Variants in GALNT17 observed in about 807,000 individuals in gnomAD.
GALNT17 encodes the protein UDP-GalNAc:polypeptide N-acetylgalactosaminyltransferase-like 3.
A neutral mutation model predicts 63.7 loss-of-function variants in GALNT17; 29 were observed. The ratio of observed to expected loss-of-function variants is 0.46; its 90% confidence interval spans 0.34 to 0.62. The LOEUF (loss-of-function observed/expected upper bound fraction) is 0.62. Ranked by LOEUF, GALNT17 falls within the 20% of genes least tolerant of loss-of-function variation. The pLI, the probability that GALNT17 is intolerant of heterozygous loss-of-function variation, is 0.01. For synonymous variants in GALNT17, 305 were observed against 318.3 expected, an observed-to-expected ratio of 0.96 and a Z score of 0.45; for missense variants, 603 against 799.6, an observed-to-expected ratio of 0.75 and a Z score of 2.97.
rs368543011 is a variant in GALNT17 at position 71,207,029 on chromosome 7, C to A, written c.238+73989C>A. 3.5e-3 allele frequency among the ~76,000 whole-genome samples: 527 copies of A among 152,124 alleles called. 3 individuals are homozygous for A. The highest frequency in any genetic ancestry group is 0.012 in the African/African-American group (492 of 41,512). On this transcript the variant is annotated intron_variant, in intron 1 of 10. Transcript: ENST00000333538. ...GCTGAGGCAGGAGAATGGTGTGAAC[C>A]CGGGAGGTGGAGCTTGCAGTGAGCC... is the stretch of plus-strand genomic sequence containing the variant.
At chr7:71,295,924 T>A (rs1243096479) in intron 1 of GALNT17, among the ~76,000 whole-genome samples, 1 of 152,058 alleles carries the variant, frequency 6.6e-6, no homozygotes, top group Admixed American at 6.5e-5. Context: ...TGGGTTTTTT[T>A]TTTTTTTCCC....
intron 1 of GALNT17, among the ~76,000 whole-genome samples, chr7:71,328,371 T>C (rs1192262872): frequency 6.6e-6 from 1 of 152,202 alleles, no homozygotes; most frequent in Non-Finnish European, 1.5e-5. Context: ...CTGCTTTCTC[T>C]CTTTGCTGCT....
At chr7:71,320,162 C>A (rs1175818433) in intron 1 of GALNT17, among the ~76,000 whole-genome samples, 1 of 152,182 alleles carries the variant, frequency 6.6e-6, no homozygotes, top group African/African-American at 2.4e-5. Context: ...CACATGCATA[C>A]TCTTCCCCTG....
intron 2 of GALNT17, among the ~76,000 whole-genome samples, chr7:71,371,193 A>C (rs1792617098): frequency 1.3e-5 from 2 of 152,174 alleles, no homozygotes; most frequent in Non-Finnish European, 2.9e-5. Flanking sequence ...TCAGGCTTTT[A>C]GTCAAGCTTT....
intron 2 of GALNT17, among the ~76,000 whole-genome samples, chr7:71,374,834 AT>A (rs71089940): frequency 0.098 from 10,694 of 109,456 alleles, 384 homozygotes; most frequent in East Asian, 0.25. Context: ...CTTGAGGAGG[AT>A]TTTTTTTTTT....
At chr7:71,208,218 T>A (rs1789310021) in intron 1 of GALNT17, among the ~76,000 whole-genome samples, 1 of 152,134 alleles carries the variant, frequency 6.6e-6, no homozygotes, top group South Asian at 2.1e-4. Flanking sequence ...ATTACAGTCA[T>A]GAGCCAGCAC....
intron 9 of GALNT17, among the ~76,000 whole-genome samples, chr7:71,692,599 A>G (rs1284463784): frequency 6.6e-6 from 1 of 152,140 alleles, no homozygotes; most frequent in Admixed American, 6.6e-5. Context: ...TATCTGTTGA[A>G]TGATTATTTT....
At chr7:71,519,980 T>C (rs1364411675) in intron 5 of GALNT17, among the ~76,000 whole-genome samples, 6 of 152,140 alleles carry the variant, frequency 3.9e-5, no homozygotes, top group Non-Finnish European at 7.4e-5. Context: ...TATATAAAAA[T>C]CATGCAGAAA....
chr7:71,262,853 G>T (rs1263542567), intron 1 of GALNT17, among the ~76,000 whole-genome samples: 2 of 151,098 alleles, frequency 1.3e-5, no homozygotes, highest in East Asian at 4.0e-4. Context: ...GCTAATTTTT[G>T]TTTGTTTTGT....
intron 5 of GALNT17, among the ~76,000 whole-genome samples, chr7:71,460,713 A>G (rs1787437924): frequency 6.6e-6 from 1 of 152,182 alleles, no homozygotes; most frequent in African/African-American, 2.4e-5. Context: ...GCCCATTTTT[A>G]TGGTTATTTC....
At chr7:71,226,936 T>C (rs1386365917) in intron 1 of GALNT17, among the ~76,000 whole-genome samples, 1 of 152,020 alleles carries the variant, frequency 6.6e-6, no homozygotes, top group Admixed American at 6.6e-5. Context: ...GTCCCCCCTC[T>C]ATGTGCTGCC....
intron 5 of GALNT17, among the ~76,000 whole-genome samples, chr7:71,464,067 A>G (rs181529585): frequency 1.6e-4 from 25 of 152,280 alleles, no homozygotes; most frequent in African/African-American, 5.8e-4. Flanking sequence ...ACACTTAATT[A>G]TAACTATATT....
chr7:71,514,847 C>G (rs1396053420), intron 5 of GALNT17, among the ~76,000 whole-genome samples: 3 of 152,204 alleles, frequency 2.0e-5, no homozygotes, highest in Admixed American at 6.5e-5. Flanking sequence ...CCACCCAAAT[C>G]TCATCTTGAA....
chr7:71,565,118 T>G (rs111822087), intron 5 of GALNT17, among the ~76,000 whole-genome samples: 1 of 151,998 alleles, frequency 6.6e-6, no homozygotes, highest in Non-Finnish European at 1.5e-5. Context: ...CATACAAAAA[T>G]TAGCCGGGCA....
At chr7:71,451,674 G>A (rs944344001) in intron 5 of GALNT17, among the ~76,000 whole-genome samples, 22 of 152,034 alleles carry the variant, frequency 1.4e-4, no homozygotes, top group African/African-American at 4.8e-4. Flanking sequence ...AATAGCAAAA[G>A]CATTTAATAT....
intron 1 of GALNT17, among the ~76,000 whole-genome samples, chr7:71,280,190 T>G (rs1256547219): frequency 6.6e-6 from 1 of 151,786 alleles, no homozygotes; most frequent in Non-Finnish European, 1.5e-5. Context: ...GGGACCAGAG[T>G]CCAGGATAAT....
chr7:71,150,591 A>G (rs1282901155), intron 1 of GALNT17, among the ~76,000 whole-genome samples: 1 of 150,820 alleles, frequency 6.6e-6, no homozygotes, highest in Admixed American at 6.6e-5. Flanking sequence ...GCTCACTGCA[A>G]GCTCCGCCTC....
intron 5 of GALNT17, among the ~76,000 whole-genome samples, chr7:71,534,946 A>G (rs1788780795): frequency 6.6e-6 from 1 of 152,164 alleles, no homozygotes; most frequent in South Asian, 2.1e-4. Context: ...GTTCCCTTCT[A>G]TCATATTCCC....
intron 5 of GALNT17, among the ~76,000 whole-genome samples, chr7:71,470,639 G>A (rs772825740): frequency 4.6e-5 from 7 of 152,028 alleles, no homozygotes; most frequent in Non-Finnish European, 2.9e-5. Flanking sequence ...ATCAGAAAAC[G>A]AACAGACCAG....
Sources: allele counts gnomAD v4.1 joint callset (sites outside exome capture counted in the v4.1 genomes callset), GRCh38; gene constraint gnomAD v4.1.1; transcripts MANE v1.5; gene names NCBI Gene and HGNC (gene_info 2026-07-23, HGNC 2026-07-21).